Variants in RSU1 observed in about 807,000 individuals in gnomAD.
RSU1 encodes rsu-1.
A neutral mutation model predicts 31.1 loss-of-function variants in RSU1; 26 were observed. The observed-to-expected ratio is 0.84, with a 90% confidence interval of 0.61 to 1.16. The LOEUF (loss-of-function observed/expected upper bound fraction) is 1.16, where lower values mean the gene tolerates loss of function less well. Among genes scored for constraint, RSU1 ranks in the 50% most tolerant of loss-of-function variants. The probability of loss-of-function intolerance (pLI) is 0.00; values close to 1 mark genes in which losing one functional copy is unlikely to be tolerated. For synonymous variants in RSU1, 164 were observed against 136.3 expected, an observed-to-expected ratio of 1.20 and a Z score of -1.41; for missense variants, 320 against 339.1, an observed-to-expected ratio of 0.94 and a Z score of 0.44.
intron 7 of RSU1, among the ~76,000 whole-genome samples, chr10:16,748,873 T>C (rs369521939): frequency 1.3e-4 from 18 of 142,120 alleles, no homozygotes; most frequent in African/African-American, 4.5e-4. Flanking sequence ...TCCATTTTTT[T>C]CCCAGAGCTC....
At chr10:16,806,832 G>T (rs2488348) in intron 2 of RSU1, among the ~76,000 whole-genome samples, 23,031 of 152,074 alleles carry the variant, frequency 0.15, 2,217 homozygotes, top group East Asian at 0.31. Context: ...TAGCCCACTG[G>T]AGCCTCTACC....
chr10:16,758,170 G>GA (rs3837311), intron 4 of RSU1, among the ~76,000 whole-genome samples: 57,256 of 152,084 alleles, frequency 0.38, 13,384 homozygotes, highest in African/African-American at 0.67. Flanking sequence ...CGGGCAGAAA[G>GA]AAGTCCTTAA....
chr10:16,686,005 A>G (rs995412522), intron 8 of RSU1, among the ~76,000 whole-genome samples: 3 of 152,238 alleles, frequency 2.0e-5, no homozygotes, highest in Non-Finnish European at 2.9e-5. Context: ...GCCTGTGAAC[A>G]TAACTCACAT....
chr10:16,621,364 A>C (rs1160472058), intron 8 of RSU1, among the ~76,000 whole-genome samples: 1 of 152,110 alleles, frequency 6.6e-6, no homozygotes, highest in African/African-American at 2.4e-5. Context: ...GAATATTAAC[A>C]CTATGGACAC....
chr10:16,602,107 T>A (rs1833723121), intron 8 of RSU1, among the ~76,000 whole-genome samples: 2 of 152,172 alleles, frequency 1.3e-5, no homozygotes, highest in African/African-American at 4.8e-5. Flanking sequence ...TTAGGTCCCC[T>A]CTGCAACTGA....
intron 8 of RSU1, among the ~76,000 whole-genome samples, chr10:16,652,267 A>G (rs957592779): frequency 6.6e-6 from 1 of 152,092 alleles, no homozygotes; most frequent in Non-Finnish European, 1.5e-5. Context: ...TCATAGAAAA[A>G]GAAAGCAAAC....
At chr10:16,750,532 C>A (rs185660002) in intron 7 of RSU1, among the ~76,000 whole-genome samples, 3 of 152,086 alleles carry the variant, frequency 2.0e-5, no homozygotes, top group Non-Finnish European at 4.4e-5. Flanking sequence ...CATAGGCATG[C>A]GTAGGTTCAA....
chr10:16,717,926 G>C (rs1836176261), intron 7 of RSU1, among the ~76,000 whole-genome samples: 1 of 152,058 alleles, frequency 6.6e-6, no homozygotes, highest in African/African-American at 2.4e-5. Flanking sequence ...TCATGCATTT[G>C]TTTCCAGTAT....
chr10:16,694,759 T>C (rs1192675677), intron 8 of RSU1, among the ~76,000 whole-genome samples: 2 of 151,998 alleles, frequency 1.3e-5, no homozygotes, highest in Non-Finnish European at 2.9e-5. Context: ...TTTTCTTTTG[T>C]AGAGACGGGG....
chr10:16,672,467 C>T (rs10795412), intron 8 of RSU1, among the ~76,000 whole-genome samples: 34,409 of 152,096 alleles, frequency 0.23, 4,021 homozygotes, highest in South Asian at 0.29. Context: ...ATAAGCCTAA[C>T]GTCCACCAGC....
Position 16,738,628 on chromosome 10 carries a change from A to G in RSU1, c.598+13911T>C, listed in dbSNP as rs1466400914. Reference sequence around the variant, plus strand: ...TTTGGACCAATCAATCAAAGGGGGGAAAAATGGAAAACATAAATTAACAAT... The same window carrying G: ...TTTGGACCAATCAATCAAAGGGGGGGAAAATGGAAAACATAAATTAACAAT... On this transcript the variant is annotated intron_variant, in intron 7 of 8. Transcript: ENST00000345264. Among the ~76,000 whole-genome samples, 5 of 152,264 alleles carry G rather than the reference A, an allele frequency of 3.3e-5. No individual in the cohort carries two copies. The East Asian group carries it at 5.8e-4, about 18-fold the overall frequency.
chr10:16,801,060 A>G (rs568072506), intron 2 of RSU1, among the ~76,000 whole-genome samples: 1 of 152,038 alleles, frequency 6.6e-6, no homozygotes, highest in East Asian at 1.9e-4. Context: ...ATAACCAAAC[A>G]TATCAATTAT....
chr10:16,783,800 A>G (rs977412940), intron 2 of RSU1, among the ~76,000 whole-genome samples: 23 of 152,138 alleles, frequency 1.5e-4, no homozygotes, highest in Non-Finnish European at 2.6e-4. Flanking sequence ...AGTCTATGGT[A>G]TATCTCCTAC....
chr10:16,609,460 C>T (rs1039146825), intron 8 of RSU1, among the ~76,000 whole-genome samples: 2 of 152,212 alleles, frequency 1.3e-5, no homozygotes, highest in African/African-American at 4.8e-5. Flanking sequence ...ACCCACAAAA[C>T]ACCCCTGGAA....
chr10:16,630,953 G>T (rs1362769289), intron 8 of RSU1, among the ~76,000 whole-genome samples: 2 of 152,138 alleles, frequency 1.3e-5, no homozygotes, highest in Non-Finnish European at 2.9e-5. Flanking sequence ...CAAGGGTTTG[G>T]GTAGATTTCA....
intron 3 of RSU1, among the ~76,000 whole-genome samples, chr10:16,780,298 T>C (rs1254179908): frequency 2.6e-5 from 4 of 152,210 alleles, no homozygotes; most frequent in African/African-American, 9.7e-5. Context: ...ACCTCTGTCG[T>C]CCAGGCTGCA....
intron 4 of RSU1, among the ~76,000 whole-genome samples, chr10:16,760,743 C>T (rs1204170995): frequency 6.6e-6 from 1 of 151,878 alleles, no homozygotes; most frequent in East Asian, 1.9e-4. Context: ...CATATAAAAT[C>T]CCCCCCACCT....
chr10:16,738,609 C>G (rs1836685477), intron 7 of RSU1, among the ~76,000 whole-genome samples: 1 of 151,814 alleles, frequency 6.6e-6, no homozygotes, highest in Non-Finnish European at 1.5e-5. Flanking sequence ...GCTATTTGGA[C>G]CAATCAATCA....
chr10:16,786,291 T>G (rs1160294756), intron 2 of RSU1, among the ~76,000 whole-genome samples: 1 of 152,230 alleles, frequency 6.6e-6, no homozygotes, highest in African/African-American at 2.4e-5. Context: ...TCTATCATTA[T>G]TATTTACAGT....
Sources: allele counts gnomAD v4.1 joint callset (sites outside exome capture counted in the v4.1 genomes callset), GRCh38; gene constraint gnomAD v4.1.1; transcripts MANE v1.5; gene names NCBI Gene and HGNC (gene_info 2026-07-23, HGNC 2026-07-21).